Variants in UNC13C observed in about 807,000 individuals in gnomAD.
UNC13C encodes the protein unc-13 homolog C.
Under a neutral mutation model 245.4 loss-of-function variants are expected in UNC13C, and 174 were observed. The observed-to-expected ratio is 0.71, with a 90% CI of 0.63 to 0.80. The LOEUF (loss-of-function observed/expected upper bound fraction) is 0.80. UNC13C is among the 30% of genes least tolerant of loss of function. UNC13C has a pLI of 0.00. For synonymous variants in UNC13C, 992 were observed against 895.1 expected, an observed-to-expected ratio of 1.11 and a Z score of -1.93; for missense variants, 2,829 against 2,602.9, an observed-to-expected ratio of 1.09 and a Z score of -1.89.
At chr15:54,158,509 C>T (rs781491669) in intron 4 of UNC13C, among the ~76,000 whole-genome samples, 5 of 151,922 alleles carry the variant, frequency 3.3e-5, no homozygotes, top group Admixed American at 1.3e-4. Flanking sequence ...TTAGTAGAGA[C>T]GGGATTTCAC....
At chr15:54,001,587 G>C (rs1045438167) in intron 1 of UNC13C, among the ~76,000 whole-genome samples, 1 of 151,984 alleles carries the variant, frequency 6.6e-6, no homozygotes, top group African/African-American at 2.4e-5. Context: ...GTAGAGGAAG[G>C]GTCTGCTCAG....
chr15:54,578,585 T>A (rs898530299), intron 30 of UNC13C, among the ~76,000 whole-genome samples: 3 of 152,358 alleles, frequency 2.0e-5, no homozygotes, highest in Middle Eastern at 3.4e-3. Flanking sequence ...TGTTTACATC[T>A]AAAGTTACGT....
chr15:54,299,974 A>T (rs1001875224), intron 12 of UNC13C, among the ~76,000 whole-genome samples: 2 of 152,176 alleles, frequency 1.3e-5, no homozygotes, highest in African/African-American at 4.8e-5. Context: ...ATATTAAACT[A>T]TGTCCTTCCT....
At chr15:54,352,367 G>A (rs1009310253) in intron 17 of UNC13C, among the ~76,000 whole-genome samples, 2 of 147,950 alleles carry the variant, frequency 1.4e-5, no homozygotes, top group African/African-American at 2.5e-5. Context: ...GAGAGAGAGA[G>A]TGAGTCAGGT....
chr15:53,897,589 T>A, the UNC13C span, among the ~76,000 whole-genome samples: 65 of 152,182 alleles, frequency 4.3e-4, no homozygotes, highest in Non-Finnish European at 6.8e-4. Flanking sequence ...TATACATACA[T>A]TTAAATGGCA....
At chr15:54,615,192 C>A (rs983922796) in intron 30 of UNC13C, among the ~76,000 whole-genome samples, 1 of 151,974 alleles carries the variant, frequency 6.6e-6, no homozygotes, top group African/African-American at 2.4e-5. Flanking sequence ...TCTCCTCAAG[C>A]ATTTATCCTT....
chr15:53,906,003 G>A, the UNC13C span, among the ~76,000 whole-genome samples: 1 of 152,134 alleles, frequency 6.6e-6, no homozygotes, highest in African/African-American at 2.4e-5. Context: ...AGGATGAGGT[G>A]TTTAAAGACT....
At chr15:54,289,915 C>T (rs1216705784) in intron 10 of UNC13C, among the ~76,000 whole-genome samples, 3 of 151,994 alleles carry the variant, frequency 2.0e-5, no homozygotes, top group Non-Finnish European at 4.4e-5. Context: ...CAAAGGAATC[C>T]AGGAGTGTGA....
chr15:54,295,560 A>G (rs566983429), intron 11 of UNC13C, among the ~76,000 whole-genome samples: 91 of 152,180 alleles, frequency 6.0e-4, no homozygotes, highest in Middle Eastern at 3.4e-3. Context: ...CTGAGGCAGG[A>G]GGATCACTCG....
intron 30 of UNC13C, among the ~76,000 whole-genome samples, chr15:54,613,534 T>C (rs1055452483): frequency 4.0e-5 from 6 of 151,876 alleles, no homozygotes; most frequent in African/African-American, 1.2e-4. Flanking sequence ...TTTTCAAATA[T>C]TAACGAATAA....
At chr15:54,032,782 G>C (rs1374642913) in intron 2 of UNC13C, among the ~76,000 whole-genome samples, 1 of 152,176 alleles carries the variant, frequency 6.6e-6, no homozygotes, top group African/African-American at 2.4e-5. Context: ...AGTAATAACA[G>C]TACGCTGATA....
intron 2 of UNC13C, among the ~76,000 whole-genome samples, chr15:54,130,584 G>T (rs375858921): frequency 2.0e-5 from 3 of 152,016 alleles, no homozygotes; most frequent in Non-Finnish European, 4.4e-5. Context: ...GAGCCACTGC[G>T]CCCAGCCCAT....
chr15:53,859,456 C>T, the UNC13C span, among the ~76,000 whole-genome samples: 11 of 152,132 alleles, frequency 7.2e-5, no homozygotes, highest in African/African-American at 2.4e-4. Flanking sequence ...TTTCTTATTC[C>T]CACTGAAAAC....
chr15:53,903,537 A>G, the UNC13C span, among the ~76,000 whole-genome samples: 73 of 152,348 alleles, frequency 4.8e-4, no homozygotes, highest in Admixed American at 3.3e-3. Flanking sequence ...CCACAAGGCC[A>G]ATTAGATCAT....
chr15:54,594,852 A>G (rs147246533), intron 30 of UNC13C, among the ~76,000 whole-genome samples: 2 of 152,326 alleles, frequency 1.3e-5, no homozygotes, highest in African/African-American at 4.8e-5. Flanking sequence ...TCCAGAAGAG[A>G]CAAAGGAGTT....
At chr15:54,209,413 G>T (rs1211884433) in intron 4 of UNC13C, among the ~76,000 whole-genome samples, 3 of 139,090 alleles carry the variant, frequency 2.2e-5, no homozygotes, top group Admixed American at 7.4e-5. Flanking sequence ...TTTCTTTTTG[G>T]TTTTTTGTTT....
At chr15:53,912,388 C>T in the UNC13C span, 2 of 152,250 alleles carry the variant, frequency 1.3e-5, no homozygotes, top group South Asian at 2.1e-4. Flanking sequence ...CCTCTGGTCC[C>T]CTACTAATGT....
At position 54,532,813 on chromosome 15, in the gene UNC13C, G is replaced by C; in HGVS notation, c.5547-104G>C. On this transcript the variant is annotated intron_variant, in intron 25 of 32. Transcript: ENST00000260323. ...TGAATTCGAAAACTCATGAGCAGGG[G>C]AATTCACACCAGTTGAAACAGATCA... 4 of 747,202 alleles carry C rather than the reference G, an allele frequency of 5.4e-6. No homozygotes were observed. The East Asian group carries it at 1.1e-4, about 21-fold the overall frequency. The allele number at this position is 747,202 out of a possible 1,614,324, so 46.3% of individuals were successfully genotyped here.
At chr15:54,371,174 A>G (rs1308417526) in intron 17 of UNC13C, among the ~76,000 whole-genome samples, 2 of 152,100 alleles carry the variant, frequency 1.3e-5, no homozygotes, top group Non-Finnish European at 2.9e-5. Flanking sequence ...CCCATCACCC[A>G]AACTCCTACC....
Sources: gnomAD v4.1 joint callset for allele counts (sites outside exome capture counted in the v4.1 genomes callset) on GRCh38, gnomAD v4.1.1 for gene constraint, MANE v1.5 for transcripts, NCBI Gene and HGNC (gene_info 2026-07-23, HGNC 2026-07-21) for gene names.